Variants in PRKAR2B observed in about 807,000 individuals in gnomAD.
PRKAR2B encodes protein kinase cAMP-dependent type II regulatory subunit beta.
PRKAR2B carries 14 observed loss-of-function variants against 49.9 expected under a neutral mutation model. The ratio of observed to expected loss-of-function variants is 0.28; its 90% CI spans 0.19 to 0.44. The LOEUF (loss-of-function observed/expected upper bound fraction) is 0.44, where lower values mean the gene tolerates loss of function less well. Among genes scored for constraint, PRKAR2B ranks in the 20% least tolerant of loss-of-function variants. PRKAR2B has a pLI of 1.00. For missense variants in PRKAR2B, 393 were observed against 537.9 expected, an observed-to-expected ratio of 0.73 and a Z score of 2.67; for synonymous variants, 196 against 197.7, an observed-to-expected ratio of 0.99 and a Z score of 0.07.
At chr7:107,100,001 C>CT (rs1252307935) in intron 2 of PRKAR2B, among the ~76,000 whole-genome samples, 1 of 151,916 alleles carries the variant, frequency 6.6e-6, no homozygotes, top group Non-Finnish European at 1.5e-5. Flanking sequence ...TGTAGGAGTT[C>CT]TTTATATAGT....
At chr7:107,081,982 A>C (rs1023691705) in intron 2 of PRKAR2B, 1 of 152,248 alleles carries the variant, frequency 6.6e-6, no homozygotes, top group South Asian at 2.1e-4. Flanking sequence ...GCATTGCCTA[A>C]CAGAGTATAT....
chr7:107,053,239 C>T (rs1793844839), intron 1 of PRKAR2B, among the ~76,000 whole-genome samples: 2 of 152,036 alleles, frequency 1.3e-5, no homozygotes, highest in Admixed American at 6.6e-5. Flanking sequence ...GTGTACACCC[C>T]AATATATGTT....
chr7:107,137,074 A>G (rs887742197), intron 4 of PRKAR2B, among the ~76,000 whole-genome samples: 2 of 152,192 alleles, frequency 1.3e-5, no homozygotes, highest in Non-Finnish European at 2.9e-5. Flanking sequence ...CATGATTCCA[A>G]CTATTTAACG....
At chr7:107,127,260 T>G (rs1291036024) in intron 3 of PRKAR2B, among the ~76,000 whole-genome samples, 1 of 152,250 alleles carries the variant, frequency 6.6e-6, no homozygotes, top group Non-Finnish European at 1.5e-5. Flanking sequence ...GTGGTCACTC[T>G]TTGAGTGAGC....
intron 1 of PRKAR2B, among the ~76,000 whole-genome samples, chr7:107,059,561 A>G (rs1359253376): frequency 6.6e-6 from 1 of 152,142 alleles, no homozygotes; most frequent in East Asian, 1.9e-4. Context: ...ACATTGATTC[A>G]TGTAGTTCTA....
intron 2 of PRKAR2B, among the ~76,000 whole-genome samples, chr7:107,092,544 A>G (rs1469807504): frequency 6.6e-6 from 1 of 152,104 alleles, no homozygotes; most frequent in African/African-American, 2.4e-5. Flanking sequence ...TATTGCCTGT[A>G]TATTATATAT....
chr7:107,096,017 T>C (rs1794829532), intron 2 of PRKAR2B, among the ~76,000 whole-genome samples: 1 of 152,208 alleles, frequency 6.6e-6, no homozygotes, highest in Non-Finnish European at 1.5e-5. Context: ...GCTGGCCTCA[T>C]AAAATGAGTT....
chr7:107,121,587 C>A (rs1292515762), intron 2 of PRKAR2B, among the ~76,000 whole-genome samples: 4 of 152,038 alleles, frequency 2.6e-5, no homozygotes, highest in African/African-American at 9.7e-5. Context: ...GAAAGTTAGT[C>A]ACAACTATAT....
At position 107,045,041 on chromosome 7, in the gene PRKAR2B, G is replaced by A. The variant is rs1233214213; in HGVS notation, c.134G>A (p.Arg45His). 6.5e-7 allele frequency: 1 copy of A among 1,548,390 alleles called. No homozygotes were observed. Among genetic ancestry groups the A allele is most frequent in the Non-Finnish European group, 8.7e-7 (1 of 1,150,376 alleles). The change falls in exon 1 of 11, where the codon CGC becomes CAC. Residue 45 changes from arginine to histidine, a missense_variant. Physicochemically the swap from Arg to His is conservative, Grantham distance 29. Coordinates refer to ENST00000265717, the MANE Select transcript of PRKAR2B (RefSeq NM_002736.3). Reference protein sequence around the residue: ...HFTRLQQENERKGTARFGHEG... With the variant: ...HFTRLQQENEHKGTARFGHEG... ...ACCCGCCTGCAGCAGGAGAACGAGC[G>A]CAAAGGCACCGCGCGCTTCGGCCAT...
chr7:107,109,372 A>G, intron 2 of PRKAR2B, among the ~76,000 whole-genome samples: 1 of 150,016 alleles, frequency 6.7e-6, no homozygotes, highest in East Asian at 2.0e-4. Flanking sequence ...CAGTCTTCCC[A>G]CCTCAGGCTC....
chr7:107,061,899 A>G (rs570487211), intron 1 of PRKAR2B, among the ~76,000 whole-genome samples: 10 of 152,124 alleles, frequency 6.6e-5, no homozygotes, highest in Admixed American at 3.3e-4. Flanking sequence ...TCTGTCTCGG[A>G]AAAAAAAGAA....
chr7:107,053,924 G>C (rs1468264533), intron 1 of PRKAR2B, among the ~76,000 whole-genome samples: 1 of 152,224 alleles, frequency 6.6e-6, no homozygotes, highest in East Asian at 1.9e-4. Context: ...TGTTAGGAGA[G>C]AGATCGTTCA....
At chr7:107,119,386 G>C (rs990815937) in intron 2 of PRKAR2B, among the ~76,000 whole-genome samples, 1 of 152,182 alleles carries the variant, frequency 6.6e-6, no homozygotes, top group Non-Finnish European at 1.5e-5. Flanking sequence ...TTGTCCTTTG[G>C]AAAGTCTTAA....
chr7:107,092,359 A>G (rs1225651397), intron 2 of PRKAR2B, among the ~76,000 whole-genome samples: 4 of 151,972 alleles, frequency 2.6e-5, no homozygotes, highest in East Asian at 1.9e-4. Flanking sequence ...TGAAGTTTCA[A>G]AATAGGTCTT....
chr7:107,067,947 A>G (rs1013665763), intron 1 of PRKAR2B, among the ~76,000 whole-genome samples: 1 of 152,146 alleles, frequency 6.6e-6, no homozygotes, highest in Admixed American at 6.5e-5. Flanking sequence ...TTTTTTGCCA[A>G]TGTGAATGCC....
chr7:107,049,408 A>G (rs1292294728), intron 1 of PRKAR2B, among the ~76,000 whole-genome samples: 2 of 152,220 alleles, frequency 1.3e-5, no homozygotes, highest in South Asian at 2.1e-4. Context: ...TAAGACAAGC[A>G]TATCAAAAGT....
At chr7:107,159,399 T>C in intron 10 of PRKAR2B, 50 bp from the exon 11 acceptor site, 2 of 1,595,168 alleles carry the variant, frequency 1.3e-6, no homozygotes, top group South Asian at 2.2e-5. Flanking sequence ...TTAGAAATTC[T>C]GCAGATTTGC....
intron 1 of PRKAR2B, among the ~76,000 whole-genome samples, chr7:107,054,668 CTCTT>C (rs1252060245): frequency 6.6e-6 from 1 of 152,154 alleles, no homozygotes; most frequent in Admixed American, 6.5e-5. Context: ...AATATACCCT[CTCTT>C]TCTAAGTCTT....
intron 2 of PRKAR2B, among the ~76,000 whole-genome samples, chr7:107,100,105 T>C (rs1794930350): frequency 6.6e-6 from 1 of 152,168 alleles, no homozygotes; most frequent in South Asian, 2.1e-4. Flanking sequence ...TCTTTATTTC[T>C]TCCTGTAGAT....
Sources: allele counts gnomAD v4.1 joint callset (sites outside exome capture counted in the v4.1 genomes callset), GRCh38; gene constraint gnomAD v4.1.1; transcripts MANE v1.5; gene names NCBI Gene and HGNC (gene_info 2026-07-23, HGNC 2026-07-21).